Variants in PTPRN2 observed in about 807,000 individuals in gnomAD.
PTPRN2 encodes protein tyrosine phosphatase receptor type N2, also known as receptor-type tyrosine-protein phosphatase N2.
Under a neutral mutation model 118.8 loss-of-function variants are expected in PTPRN2, and 74 were observed. That is an observed-to-expected ratio of 0.62 (90% confidence interval 0.52 to 0.76). PTPRN2 has a LOEUF of 0.76. Among genes scored for constraint, PTPRN2 ranks in the 30% least tolerant of loss-of-function variants. The pLI is 0.00. For missense variants in PTPRN2, 1,481 were observed against 1,394.4 expected, an observed-to-expected ratio of 1.06 and a Z score of -0.99; for synonymous variants, 641 against 608.0, an observed-to-expected ratio of 1.05 and a Z score of -0.80.
At chr7:158,404,933 C>A (rs1469309377) in intron 2 of PTPRN2, among the ~76,000 whole-genome samples, 1 of 142,364 alleles carries the variant, frequency 7.0e-6, no homozygotes, top group Admixed American at 6.9e-5. Context: ...CCCAGCTCCC[C>A]GGCCCCAGCT....
At position 157,928,557 on chromosome 7, in the gene PTPRN2, T is replaced by C. The variant is rs947692167; in HGVS notation, c.1724-29820A>G. Among the ~76,000 whole-genome samples the C allele has an allele frequency of 2.6e-5, 4 of 151,866 alleles. No individual in the cohort carries two copies. In the South Asian group the frequency reaches 6.2e-4, roughly 24 times the overall value. On this transcript the variant is annotated intron_variant, in intron 11 of 22. Transcript: ENST00000389418. ...GCCTGAACACATTTGGTAAAAGAGA[T>C]TGCGAAGCCACCCAGGACACTCCCC...
chr7:158,054,654 G>A (rs772672900), intron 11 of PTPRN2, among the ~76,000 whole-genome samples: 1 of 152,164 alleles, frequency 6.6e-6, no homozygotes, highest in Non-Finnish European at 1.5e-5. Context: ...TAATGGGGGT[G>A]CATGCACCTC....
intron 3 of PTPRN2, among the ~76,000 whole-genome samples, chr7:158,255,377 G>C (rs576773828): frequency 6.6e-6 from 1 of 152,150 alleles, no homozygotes; most frequent in Non-Finnish European, 1.5e-5. Flanking sequence ...AGGAGTCCAC[G>C]GCCACAGGGA....
chr7:157,654,643 T>C (rs997594883), intron 14 of PTPRN2, among the ~76,000 whole-genome samples: 5 of 152,100 alleles, frequency 3.3e-5, no homozygotes, highest in African/African-American at 1.2e-4. Flanking sequence ...TTCCGCCAGG[T>C]GGAGGCTGAG....
Position 158,138,376 on chromosome 7 carries a change from G to A in PTPRN2, c.1050C>T (p.Gly350=). 6.2e-7 allele frequency: 1 copy of A among 1,613,836 alleles called. No individual in the cohort carries two copies. Among genetic ancestry groups the A allele is most frequent in the Non-Finnish European group, 8.5e-7 (1 of 1,180,038 alleles). ...CTCCCAGGGCCGCTCTCCCAGGGCTGCCTCGAGCTACTCCATGGTCCACGC... is the reference window on the plus strand; with the variant it reads ...CTCCCAGGGCCGCTCTCCCAGGGCTACCTCGAGCTACTCCATGGTCCACGC... ...MQGVDHGVAR[G]SPGRAALGES... is the part of the protein sequence containing the mutation. The change falls in exon 7 of 23, where the codon GGC becomes GGT. Residue 350 remains glycine (G), a synonymous_variant. Coordinates refer to ENST00000389418, the MANE Select transcript of PTPRN2 (RefSeq NM_002847.5).
At chr7:158,266,742 T>A (rs987624996) in intron 3 of PTPRN2, among the ~76,000 whole-genome samples, 3 of 152,222 alleles carry the variant, frequency 2.0e-5, no homozygotes, top group African/African-American at 7.2e-5. Flanking sequence ...GTTCTGTAAT[T>A]TTTGAAGATT....
At chr7:157,804,690 C>A (rs547952599) in intron 12 of PTPRN2, among the ~76,000 whole-genome samples, 2 of 152,190 alleles carry the variant, frequency 1.3e-5, no homozygotes, top group Non-Finnish European at 2.9e-5. Context: ...TGACCCTTCT[C>A]GCCCTACTGG....
chr7:157,636,474 T>C (rs1804328180), intron 14 of PTPRN2, among the ~76,000 whole-genome samples: 1 of 152,248 alleles, frequency 6.6e-6, no homozygotes, highest in African/African-American at 2.4e-5. Flanking sequence ...GCTACTTCGA[T>C]TAAAACAAGT....
At chr7:158,506,041 G>A (rs926245889) in intron 1 of PTPRN2, among the ~76,000 whole-genome samples, 2 of 152,248 alleles carry the variant, frequency 1.3e-5, no homozygotes, top group Non-Finnish European at 2.9e-5. Flanking sequence ...GGGTGAGGAG[G>A]GCAAAGAGCT....
Position 157,563,201 on chromosome 7 carries a change from C to T in PTPRN2, c.2902+5701G>A, listed in dbSNP as rs1360861506. On this transcript the variant is annotated intron_variant, in intron 21 of 22. Coordinates refer to ENST00000389418, the MANE Select transcript of PTPRN2 (RefSeq NM_002847.5). The stretch of plus-strand genomic sequence containing the variant: ...ACAGCAGATCAGGACCACGTGCTCC[C>T]ATGTCACCACACACAGCAGAGCAGG... 4.6e-5 allele frequency among the ~76,000 whole-genome samples: 6 copies of T among 129,232 alleles called. 1 individual carries two copies. The highest frequency in any genetic ancestry group is 2.9e-4 in the Admixed American group (4 of 13,572). 84.8% of individuals were successfully genotyped at this position (129,232 alleles called of 152,430 possible).
intron 2 of PTPRN2, among the ~76,000 whole-genome samples, 200 bp downstream of exon 2, chr7:158,489,535 G>A (rs1821279590): frequency 6.6e-6 from 1 of 152,210 alleles, no homozygotes; most frequent in South Asian, 2.1e-4. Context: ...AGCGATGGGC[G>A]CCCAGAACCC....
At chr7:158,162,978 C>T (rs1185473887) in intron 6 of PTPRN2, among the ~76,000 whole-genome samples, 4 of 152,180 alleles carry the variant, frequency 2.6e-5, no homozygotes, top group African/African-American at 4.8e-5. Context: ...CTGGCATTAT[C>T]ACAGGGTCCT....
chr7:158,401,489 C>A (rs934623510), intron 2 of PTPRN2, among the ~76,000 whole-genome samples: 1 of 152,188 alleles, frequency 6.6e-6, no homozygotes, highest in Non-Finnish European at 1.5e-5. Flanking sequence ...ACGATGGACC[C>A]CAAGGGAGCA....
In PTPRN2 at chr7:158,369,274, C is replaced by T. The variant is rs796106823; in HGVS notation, c.164-52342G>A. Among the ~76,000 whole-genome samples, 402 of 58,572 alleles carry T rather than the reference C, an allele frequency of 6.9e-3. 8 individuals are homozygous for T. The highest frequency in any genetic ancestry group is 0.047 in the Admixed American group (265 of 5,594). The allele number at this position is 58,572 out of a possible 152,430, so 38.4% of individuals were successfully genotyped here. On this transcript the variant is annotated intron_variant, in intron 2 of 22. Transcript: ENST00000389418. Reference sequence around the variant, plus strand: ...TTATATATATATACACACATACACACACACACACACACACACATATATATA... The same window carrying T: ...TTATATATATATACACACATACACATACACACACACACACACATATATATA...
chr7:157,747,111 G>A (rs1217344525), intron 12 of PTPRN2, among the ~76,000 whole-genome samples: 1 of 142,424 alleles, frequency 7.0e-6, no homozygotes, highest in Non-Finnish European at 1.5e-5. Context: ...CTGTTGAGGC[G>A]ATTCTGAGGC....
At chr7:157,750,533 C>A (rs1400079613) in intron 12 of PTPRN2, among the ~76,000 whole-genome samples, 1 of 152,222 alleles carries the variant, frequency 6.6e-6, no homozygotes, top group Non-Finnish European at 1.5e-5. Flanking sequence ...GACCCAGCCC[C>A]AGGGACCCCC....
intron 11 of PTPRN2, among the ~76,000 whole-genome samples, chr7:158,032,270 G>A (rs1003131172): frequency 5.3e-5 from 8 of 152,214 alleles, no homozygotes; most frequent in African/African-American, 1.9e-4. Flanking sequence ...CCCAGGAAGG[G>A]GTGGCTGATG....
intron 3 of PTPRN2, among the ~76,000 whole-genome samples, chr7:158,250,610 A>G (rs751838812): frequency 1.6e-4 from 25 of 152,160 alleles, no homozygotes; most frequent in Non-Finnish European, 3.5e-4. Context: ...GAAGTGATAG[A>G]AAACAACGAT....
chr7:158,453,743 C>G (rs887693351), intron 2 of PTPRN2, among the ~76,000 whole-genome samples: 7 of 152,244 alleles, frequency 4.6e-5, no homozygotes, highest in African/African-American at 1.7e-4. Context: ...CCTCATGTCT[C>G]CTAAGTACTA....
Sources: gnomAD v4.1 joint callset for allele counts (sites outside exome capture counted in the v4.1 genomes callset) on GRCh38, gnomAD v4.1.1 for gene constraint, MANE v1.5 for transcripts, NCBI Gene and HGNC (gene_info 2026-07-23, HGNC 2026-07-21) for gene names.